IL26: variants seen among roughly 807,000 people sequenced by gnomAD.
IL26 encodes interleukin-26.
IL26 carries 23 observed loss-of-function variants against 21.7 expected under a neutral mutation model. The ratio of observed to expected loss-of-function variants is 1.06; its 90% CI spans 0.76 to 1.50. The LOEUF (loss-of-function observed/expected upper bound fraction) is 1.50, where lower values mean the gene tolerates loss of function less well. Among genes scored for constraint, IL26 ranks in the 40% most tolerant of loss-of-function variants. IL26 has a pLI of 0.00. For missense variants in IL26, 204 were observed against 196.0 expected (o/e 1.04, Z -0.24); for synonymous variants, 63 against 67.8 (o/e 0.93, Z 0.34).
intron 3 of IL26, among the ~76,000 whole-genome samples, chr12:68,215,645 G>A (rs73332715): frequency 0.014 from 2,185 of 152,040 alleles, 43 homozygotes; most frequent in African/African-American, 0.05. Context: ...CTTTACCAAA[G>A]TTAAAACCAA....
intron 3 of IL26, among the ~76,000 whole-genome samples, chr12:68,212,255 G>A (rs1280517992): frequency 6.6e-6 from 1 of 151,900 alleles, no homozygotes. Flanking sequence ...TGTTTTTAAT[G>A]CCAGTACCAT....
chr12:68,213,972 T>C (rs566591519), intron 3 of IL26, among the ~76,000 whole-genome samples: 2 of 152,282 alleles, frequency 1.3e-5, no homozygotes, highest in Admixed American at 6.5e-5. Context: ...CTTTCTACTT[T>C]TTTGAGGTAG....
chr12:68,208,625 C>T (rs1257453043), intron 3 of IL26, among the ~76,000 whole-genome samples: 1 of 152,170 alleles, frequency 6.6e-6, no homozygotes, highest in East Asian at 1.9e-4. Context: ...GCCTCAGCCT[C>T]CCAAGTAGCT....
intron 3 of IL26, among the ~76,000 whole-genome samples, chr12:68,204,141 A>ATTTGTTTTTTTTTTTTTTTTTTTTTT (rs1868464060): frequency 8.8e-6 from 1 of 113,216 alleles, no homozygotes; most frequent in Non-Finnish European, 1.8e-5. Flanking sequence ...GGATTCAAAG[A>ATTTGTTTTTTTTTTTTTTTTTTTTTT]TTTTTTTTTT....
chr12:68,204,318 T>C (rs1174122893), intron 3 of IL26, among the ~76,000 whole-genome samples: 1 of 151,938 alleles, frequency 6.6e-6, no homozygotes, highest in Non-Finnish European at 1.5e-5. Context: ...TGATTTTTTG[T>C]ATTTTTAGTA....
chr12:68,214,481 T>A (rs566017293), intron 3 of IL26, among the ~76,000 whole-genome samples: 2 of 152,200 alleles, frequency 1.3e-5, no homozygotes, highest in Non-Finnish European at 2.9e-5. Context: ...TCCCTTTAGA[T>A]CTATTAATGC....
chr12:68,205,355 C>T lies in IL26; in HGVS notation c.364-3272G>A, dbSNP rs188659352. 3.1e-3 allele frequency among the ~76,000 whole-genome samples: 445 copies of T among 142,830 alleles called. 2 individuals carry two copies. The highest frequency in any genetic ancestry group is 4.0e-3 in the Non-Finnish European group (270 of 66,834). The allele number at this position is 142,830 out of a possible 152,430, so 93.7% of individuals were successfully genotyped here. ...GACCCCCCCCAAATTAAACTAATAG[C>T]CTACAGTTGACCGGAAGCCTTATTG... On this transcript the variant is annotated intron_variant, in intron 3 of 4. Coordinates refer to ENST00000229134, the MANE Select transcript of IL26 (RefSeq NM_018402.2).
intron 3 of IL26, among the ~76,000 whole-genome samples, chr12:68,219,138 A>T (rs1458334764): frequency 6.6e-6 from 1 of 151,964 alleles, no homozygotes; most frequent in African/African-American, 2.4e-5. Flanking sequence ...AGTAGAAAAA[A>T]GTTAATAAAG....
At position 68,221,715 on chromosome 12, in the gene IL26, G is replaced by A. The variant is rs113709944; in HGVS notation, c.363+3434C>T. On this transcript the variant is annotated intron_variant, in intron 3 of 4. Coordinates refer to ENST00000229134, the MANE Select transcript of IL26 (RefSeq NM_018402.2). ...AACATGTGATCCAGTAACTACTTCC[G>A]GGTTATACCAGAGTTCATCTTTAAG... is the stretch of plus-strand genomic sequence containing the variant. Among the ~76,000 whole-genome samples, 56 of 152,228 alleles carry A rather than the reference G, an allele frequency of 3.7e-4. 2 individuals are homozygous for A. Among genetic ancestry groups the A allele is most frequent in the African/African-American group, 1.3e-3 (52 of 41,530 alleles).
chr12:68,210,554 C>G (rs2120440032), intron 3 of IL26, among the ~76,000 whole-genome samples: 1 of 152,108 alleles, frequency 6.6e-6, no homozygotes, highest in East Asian at 1.9e-4. Flanking sequence ...CCAAGTGTCT[C>G]TCTGCGAAAC....
chr12:68,220,342 A>G (rs956999236), intron 3 of IL26, among the ~76,000 whole-genome samples: 2 of 152,184 alleles, frequency 1.3e-5, no homozygotes, highest in Non-Finnish European at 2.9e-5. Context: ...GAAAGAAATA[A>G]TATATTATTG....
chr12:68,214,102 T>C (rs1350579656), intron 3 of IL26, among the ~76,000 whole-genome samples: 1 of 152,162 alleles, frequency 6.6e-6, no homozygotes, highest in African/African-American at 2.4e-5. Context: ...TCGTAATATA[T>C]TTACTGACTC....
chr12:68,216,170 A>G (rs965081290), intron 3 of IL26, among the ~76,000 whole-genome samples: 34 of 152,046 alleles, frequency 2.2e-4, no homozygotes, highest in Non-Finnish European at 5.0e-4. Context: ...ACACGCCTGT[A>G]GTCCCAACTA....
chr12:68,214,567 C>A (rs1488048618), intron 3 of IL26, among the ~76,000 whole-genome samples: 1 of 152,140 alleles, frequency 6.6e-6, no homozygotes, highest in Non-Finnish European at 1.5e-5. Context: ...GCTGAATTAA[C>A]CTCTTTATCA....
At chr12:68,219,133 A>G (rs1868974982) in intron 3 of IL26, among the ~76,000 whole-genome samples, 2 of 149,128 alleles carry the variant, frequency 1.3e-5, no homozygotes, top group Non-Finnish European at 2.9e-5. Flanking sequence ...AAACAAGTAG[A>G]AAAAAGTTAA....
intron 3 of IL26, among the ~76,000 whole-genome samples, chr12:68,205,898 C>T (rs1592894826): frequency 1.3e-5 from 2 of 152,200 alleles, no homozygotes; most frequent in African/African-American, 4.8e-5. Context: ...ATTGCTTCTT[C>T]TATGTCTTCT....
rs1322818524 is a variant in IL26 at position 68,201,455 on chromosome 12, A to T, written c.*390T>A. On this transcript the variant is annotated 3_prime_UTR_variant, in exon 5 of 5. Transcript: ENST00000229134. ...AACACTTAAACAGACAATCATATAC[A>T]TAACATCTATTTAAGTCTCAGTAAC... 6.0e-6 allele frequency: 1 copy of T among 165,940 alleles called. No individual in the cohort carries two copies. Among genetic ancestry groups the T allele is most frequent in the Non-Finnish European group, 1.3e-5 (1 of 76,672 alleles). 10.3% of individuals were successfully genotyped at this position (165,940 alleles called of 1,614,324 possible). A position where few individuals can be genotyped will look rare whatever the true frequency, so the allele number is the denominator to read the frequency against.
rs1437771885 is a variant in IL26, at chr12:68,225,170, A to G, written c.342T>C (p.Leu114=). Residue 114 remains leucine (L), a synonymous_variant, in exon 3 of 5, where the codon CTT becomes CTC. Transcript: ENST00000229134. ...KIRFVEDFHS[L]RQKLSHCISC... ...TTACACAGTGGCTCAATTTCTGCCTAAGGCTATGAAAGTCCTCCACAAAGC... is the reference window on the plus strand; with the variant it reads ...TTACACAGTGGCTCAATTTCTGCCTGAGGCTATGAAAGTCCTCCACAAAGC... 2 of 1,611,892 alleles carry G rather than the reference A, an allele frequency of 1.2e-6. No homozygotes were observed. The highest frequency in any genetic ancestry group is 2.7e-5 in the African/African-American group (2 of 74,798).
intron 3 of IL26, among the ~76,000 whole-genome samples, chr12:68,214,644 C>G (rs1191168716): frequency 6.6e-6 from 1 of 152,128 alleles, no homozygotes; most frequent in Non-Finnish European, 1.5e-5. Context: ...AAAAGGATAG[C>G]TAGTCCTGCT....
Sources: gnomAD v4.1 joint callset for allele counts (sites outside exome capture counted in the v4.1 genomes callset) on GRCh38, gnomAD v4.1.1 for gene constraint, MANE v1.5 for transcripts, NCBI Gene and HGNC (gene_info 2026-07-23, HGNC 2026-07-21) for gene names.